Variants in CDK14 observed in about 807,000 individuals in gnomAD.
The protein encoded by CDK14 is cyclin dependent kinase 14.
Under a neutral mutation model 60.7 loss-of-function variants are expected in CDK14, and 34 were observed. The ratio of observed to expected loss-of-function variants is 0.56; its 90% CI spans 0.43 to 0.75. The LOEUF (loss-of-function observed/expected upper bound fraction) is 0.75. Ranked by LOEUF, CDK14 falls within the 30% of genes least tolerant of loss-of-function variation. The pLI, the probability that CDK14 is intolerant of heterozygous loss-of-function variation, is 0.00. For missense variants in CDK14, 482 were observed against 564.1 expected, an observed-to-expected ratio of 0.85 and a Z score of 1.47; for synonymous variants, 197 against 203.7, an observed-to-expected ratio of 0.97 and a Z score of 0.28.
At chr7:90,794,293 G>A (rs1034198925) in intron 5 of CDK14, among the ~76,000 whole-genome samples, 2 of 152,144 alleles carry the variant, frequency 1.3e-5, no homozygotes, top group Non-Finnish European at 2.9e-5. Flanking sequence ...TTTCGGGCAC[G>A]CATTGTCATT....
At chr7:90,892,411 A>T (rs546387551) in intron 6 of CDK14, among the ~76,000 whole-genome samples, 1 of 152,224 alleles carries the variant, frequency 6.6e-6, no homozygotes. Flanking sequence ...CATGACTAAG[A>T]TGAGTCAGTA....
At chr7:90,811,011 G>A (rs1012960263) in intron 5 of CDK14, among the ~76,000 whole-genome samples, 1 of 152,196 alleles carries the variant, frequency 6.6e-6, no homozygotes, top group Non-Finnish European at 1.5e-5. Context: ...TGGATAGGAA[G>A]AATCAATATC....
Position 91,112,580 on chromosome 7 carries a change from A to G in CDK14, c.1193A>G (p.Lys398Arg), listed in dbSNP as rs991118689. The G allele has an allele frequency of 1.9e-6, 3 of 1,613,800 alleles. No homozygotes were observed. Among genetic ancestry groups the G allele is most frequent in the Admixed American group, 1.7e-5 (1 of 59,986 alleles). Residue 398 changes from lysine (K) to arginine (R), a missense_variant, in exon 13 of 15, where the codon AAG (lysine) becomes AGG (arginine). By Grantham distance (26) the Lys-to-Arg change is conservative. Transcript: ENST00000380050. Reference protein sequence around the residue: ...YVNHAEDLASKLLQCSPKNRL... With the variant: ...YVNHAEDLASRLLQCSPKNRL... ...AACCATGCAGAGGACCTGGCCTCCA[A>G]GCTCCTACAATGTTCCCCAAAGAAC...
intron 10 of CDK14, among the ~76,000 whole-genome samples, chr7:91,031,014 T>C (rs541643817): frequency 6.6e-6 from 1 of 152,346 alleles, no homozygotes; most frequent in East Asian, 1.9e-4. Context: ...AAGGCTGTTG[T>C]ACCAGAATGG....
chr7:91,143,419 T>TTAA (rs1013556451), intron 14 of CDK14, among the ~76,000 whole-genome samples: 5 of 152,034 alleles, frequency 3.3e-5, no homozygotes, highest in South Asian at 2.1e-4. Flanking sequence ...AATTGTAAGG[T>TTAA]TAATAATAAT....
chr7:90,706,489 C>G (rs868156805), intron 2 of CDK14, among the ~76,000 whole-genome samples: 1 of 152,084 alleles, frequency 6.6e-6, no homozygotes, highest in Admixed American at 6.6e-5. Flanking sequence ...GGAGAACAAA[C>G]GAGAAGTCCA....
At chr7:90,797,164 T>A (rs1298101100) in intron 5 of CDK14, among the ~76,000 whole-genome samples, 7 of 151,798 alleles carry the variant, frequency 4.6e-5, no homozygotes, top group African/African-American at 1.7e-4. Context: ...CCTGGGTAGC[T>A]TAAACAACAG....
At chr7:90,893,884 A>T (rs539278859) in intron 6 of CDK14, among the ~76,000 whole-genome samples, 224 of 151,852 alleles carry the variant, frequency 1.5e-3, no homozygotes, top group African/African-American at 5.1e-3. Flanking sequence ...TTAGTGATAT[A>T]ATGCTGGATG....
At position 91,210,302 on chromosome 7, in the gene CDK14, G is replaced by A. The variant is rs1029302450; in HGVS notation, c.*3166G>A. 3.3e-5 allele frequency: 5 copies of A among 150,206 alleles called. No individual in the cohort carries two copies. The highest frequency in any genetic ancestry group is 1.2e-4 in the African/African-American group (5 of 40,310). The allele number at this position is 150,206 out of a possible 1,614,324, so 9.3% of individuals were successfully genotyped here. A position where few individuals can be genotyped will look rare whatever the true frequency, so the allele number is the denominator to read the frequency against. ...GCACATACAAAACCTACATTCTCTA[G>A]TTGGGAGTGGATTTTTAAAGTTTTC... is the stretch of plus-strand genomic sequence containing the variant. On this transcript the variant is annotated 3_prime_UTR_variant, in exon 15 of 15. Coordinates refer to ENST00000380050, the MANE Select transcript of CDK14 (RefSeq NM_001287135.2).
At chr7:91,007,514 G>A (rs910087201) in intron 10 of CDK14, among the ~76,000 whole-genome samples, 5 of 152,168 alleles carry the variant, frequency 3.3e-5, no homozygotes, top group African/African-American at 1.2e-4. Context: ...TTTCCAGACA[G>A]AACACTGCTA....
intron 5 of CDK14, among the ~76,000 whole-genome samples, chr7:90,825,419 T>C (rs1003535948): frequency 1.3e-5 from 2 of 152,218 alleles, no homozygotes; most frequent in Non-Finnish European, 2.9e-5. Flanking sequence ...AAATCATTTC[T>C]TAAAGTAAAA....
intron 13 of CDK14, among the ~76,000 whole-genome samples, chr7:91,115,004 T>G (rs747880692): frequency 7.9e-5 from 12 of 152,206 alleles, no homozygotes; most frequent in Non-Finnish European, 1.0e-4. Context: ...CATATTAGCA[T>G]AGAGTCTTGT....
rs66912750 is a variant in CDK14 at position 90,685,649 on chromosome 7, ATTTTTTTTTTTTTT to A, written c.124-40905_124-40892del. Among the ~76,000 whole-genome samples, 89 of 101,680 alleles carry A rather than the reference ATTTTTTTTTTTTTT, an allele frequency of 8.8e-4. 1 individual carries two copies. Among genetic ancestry groups the A allele is most frequent in the African/African-American group, 3.2e-3 (84 of 26,192 alleles). 66.7% of individuals were successfully genotyped at this position (101,680 alleles called of 152,430 possible). A position where few individuals can be genotyped will look rare whatever the true frequency, so the allele number is the denominator to read the frequency against. On this transcript the variant is annotated intron_variant, in intron 2 of 14. Coordinates refer to ENST00000380050, the MANE Select transcript of CDK14 (RefSeq NM_001287135.2). Reference sequence around the variant, plus strand: ...GCATGCCATCTTGCCCAGCCAATTAATTTTTTTTTTTTTTTTTTTTTTTTTTGTAGAGATGAGGT... The same window carrying A: ...GCATGCCATCTTGCCCAGCCAATTAATTTTTTTTTTTTGTAGAGATGAGGT...
chr7:90,864,594 C>G (rs186644813), intron 6 of CDK14, among the ~76,000 whole-genome samples: 4 of 152,098 alleles, frequency 2.6e-5, no homozygotes, highest in Non-Finnish European at 5.9e-5. Flanking sequence ...GCTTGTGCAC[C>G]AAAATCAGTA....
At chr7:90,989,374 A>G (rs1795469845) in intron 10 of CDK14, among the ~76,000 whole-genome samples, 1 of 152,060 alleles carries the variant, frequency 6.6e-6, no homozygotes, top group African/African-American at 2.4e-5. Context: ...CCATTACTGG[A>G]TTTGCTTTAG....
chr7:90,980,505 G>A (rs1282847537), intron 9 of CDK14, among the ~76,000 whole-genome samples: 2 of 152,054 alleles, frequency 1.3e-5, no homozygotes, highest in African/African-American at 2.4e-5. Context: ...AAAGAGGTGG[G>A]GGGAAAGCAG....
intron 5 of CDK14, among the ~76,000 whole-genome samples, chr7:90,805,188 C>G (rs971900706): frequency 2.6e-5 from 4 of 152,012 alleles, no homozygotes; most frequent in Admixed American, 1.3e-4. Context: ...TACTTGTAAA[C>G]TTCTTGTCAT....
At chr7:91,101,614 GA>G (rs891545572) in intron 12 of CDK14, among the ~76,000 whole-genome samples, 2 of 152,112 alleles carry the variant, frequency 1.3e-5, no homozygotes, top group Admixed American at 6.5e-5. Context: ...AGTGAGAAAG[GA>G]AGTCCCAGTG....
At position 90,651,526 on chromosome 7, in the gene CDK14, A is replaced by G. The variant is rs565362136; in HGVS notation, c.123+47277A>G. 3.9e-5 allele frequency among the ~76,000 whole-genome samples: 6 copies of G among 152,246 alleles called. No homozygotes were observed. The South Asian group carries it at 1.0e-3, about 26-fold the overall frequency. ...TTTTTTTAAGTCTCTTAACACCTGT[A>G]TAATCAGCTTCCTGTATTAAATTCC... On this transcript the variant is annotated intron_variant, in intron 2 of 14. Transcript: ENST00000380050.
Sources: allele counts gnomAD v4.1 joint callset (sites outside exome capture counted in the v4.1 genomes callset), GRCh38; gene constraint gnomAD v4.1.1; transcripts MANE v1.5; gene names NCBI Gene and HGNC (gene_info 2026-07-23, HGNC 2026-07-21).